GPHN: variants seen among roughly 807,000 people sequenced by gnomAD.
GPHN encodes gephyrin.
Under a neutral mutation model 95.5 loss-of-function variants are expected in GPHN, and 17 were observed. That is an observed-to-expected ratio of 0.18 (90% confidence interval 0.12 to 0.27). The LOEUF (loss-of-function observed/expected upper bound fraction) is 0.27. GPHN is among the 10% of genes least tolerant of loss of function. The pLI, the probability that GPHN is intolerant of heterozygous loss-of-function variation, is 1.00. For synonymous variants in GPHN, 320 were observed against 322.5 expected (o/e 0.99, Z 0.08); for missense variants, 660 against 978.1 (o/e 0.67, Z 4.34).
intron 13 of GPHN, among the ~76,000 whole-genome samples, chr14:67,102,595 G>A (rs552214538): frequency 6.6e-5 from 10 of 152,172 alleles, no homozygotes; most frequent in Admixed American, 6.5e-4. Flanking sequence ...GGGAGGCAGA[G>A]GTTGCAGTGA....
At chr14:66,674,417 T>C (rs1346097676) in intron 1 of GPHN, among the ~76,000 whole-genome samples, 3 of 151,964 alleles carry the variant, frequency 2.0e-5, no homozygotes, top group African/African-American at 7.2e-5. Context: ...TTATCTACCT[T>C]TAAGTTTGTG....
the GPHN span, chr14:67,562,639 G>T: frequency 1.2e-6 from 2 of 1,613,064 alleles, no homozygotes; most frequent in Non-Finnish European, 1.7e-6. Context: ...GCCAGCCCCA[G>T]GTGGGCCATG....
At chr14:67,461,483 G>A in the GPHN span, among the ~76,000 whole-genome samples, 9 of 152,164 alleles carry the variant, frequency 5.9e-5, no homozygotes, top group African/African-American at 1.4e-4. Flanking sequence ...TCAGAGTTAT[G>A]AACCTGGAGC....
chr14:66,705,382 A>G (rs946494026), intron 2 of GPHN, among the ~76,000 whole-genome samples: 3 of 152,212 alleles, frequency 2.0e-5, no homozygotes, highest in Admixed American at 2.0e-4. Context: ...CTTCAGGCCA[A>G]TATCCCTGTT....
At chr14:66,640,616 G>C (rs1307155076) in intron 1 of GPHN, among the ~76,000 whole-genome samples, 1 of 152,022 alleles carries the variant, frequency 6.6e-6, no homozygotes, top group Non-Finnish European at 1.5e-5. Flanking sequence ...ACTTTTGTTT[G>C]AGGCAAATAT....
chr14:67,399,199 T>C, the GPHN span, among the ~76,000 whole-genome samples: 31 of 150,310 alleles, frequency 2.1e-4, no homozygotes, highest in African/African-American at 6.4e-4. Flanking sequence ...GTTTAGGTGG[T>C]TCTCAGGTGG....
At chr14:67,358,495 G>A in the GPHN span, among the ~76,000 whole-genome samples, 5 of 152,164 alleles carry the variant, frequency 3.3e-5, no homozygotes, top group African/African-American at 1.2e-4. Flanking sequence ...CAATAAAAGG[G>A]TCTAAATGTC....
the GPHN span, chr14:67,398,054 A>G: frequency 2.6e-6 from 1 of 378,056 alleles, no homozygotes; most frequent in Non-Finnish European, 4.7e-6. Flanking sequence ...TCTTGAAAGA[A>G]ACTACAAAGT....
At chr14:66,797,749 T>A (rs1483044765) in intron 3 of GPHN, among the ~76,000 whole-genome samples, 1 of 151,970 alleles carries the variant, frequency 6.6e-6, no homozygotes, top group South Asian at 2.1e-4. Flanking sequence ...TTTCCACATA[T>A]AATGTCATAT....
At chr14:67,359,923 G>T in the GPHN span, 1 of 565,060 alleles carries the variant, frequency 1.8e-6, no homozygotes, top group East Asian at 3.1e-5. Context: ...GGATGTCGAG[G>T]CGCGCGCACC....
the GPHN span, chr14:67,584,251 G>C: frequency 3.3e-6 from 3 of 899,632 alleles, no homozygotes; most frequent in Non-Finnish European, 5.1e-6. Context: ...TCCCTCCACT[G>C]TTTCTGGCCT....
intron 9 of GPHN, among the ~76,000 whole-genome samples, chr14:66,970,855 AT>A (rs2153591443): frequency 6.6e-6 from 1 of 152,348 alleles, no homozygotes; most frequent in Admixed American, 6.5e-5. Flanking sequence ...GAACAAAAAT[AT>A]GTTTTCTTTT....
chr14:67,363,228 G>A, the GPHN span, among the ~76,000 whole-genome samples: 2 of 151,294 alleles, frequency 1.3e-5, no homozygotes, highest in Non-Finnish European at 2.9e-5. Flanking sequence ...GAAAAGCCCT[G>A]TTTAAAAACG....
the GPHN span, chr14:67,586,967 T>G: frequency 1.7e-5 from 26 of 1,539,016 alleles, no homozygotes; most frequent in Non-Finnish European, 2.1e-5. Context: ...TTTTAAGAGA[T>G]TAAATAAACT....
intron 10 of GPHN, among the ~76,000 whole-genome samples, chr14:67,052,704 A>G (rs935665314): frequency 1.8e-4 from 27 of 152,156 alleles, no homozygotes; most frequent in African/African-American, 6.5e-4. Context: ...GAAGTAAAAC[A>G]CTCCTAACAA....
chr14:66,935,935 C>T (rs572255794), intron 8 of GPHN, among the ~76,000 whole-genome samples: 1 of 152,246 alleles, frequency 6.6e-6, no homozygotes, highest in South Asian at 2.1e-4. Flanking sequence ...GAACATGGAA[C>T]TACTTAGTGG....
intron 3 of GPHN, among the ~76,000 whole-genome samples, chr14:66,780,382 G>A (rs2059562286): frequency 6.6e-6 from 1 of 152,064 alleles, no homozygotes; most frequent in Non-Finnish European, 1.5e-5. Context: ...GTTATATGAG[G>A]TATTAAAATT....
chr14:67,673,399 T>C, the GPHN span, among the ~76,000 whole-genome samples: 1 of 152,192 alleles, frequency 6.6e-6, no homozygotes, highest in African/African-American at 2.4e-5. Context: ...CCTATTCTTT[T>C]ACTCTGATTT....
chr14:67,590,681 C>T, the GPHN span, among the ~76,000 whole-genome samples: 513 of 152,252 alleles, frequency 3.4e-3, no homozygotes, highest in Non-Finnish European at 6.0e-3. Context: ...CAATCTCTCA[C>T]CCACATCAAG....
Sources: gnomAD v4.1 joint callset for allele counts (sites outside exome capture counted in the v4.1 genomes callset) on GRCh38, gnomAD v4.1.1 for gene constraint, MANE v1.5 for transcripts, NCBI Gene and HGNC (gene_info 2026-07-23, HGNC 2026-07-21) for gene names.